The following SEMA6B variants were observed in gnomAD, a reference collection of about 807,000 sequenced individuals.
SEMA6B encodes the protein semaphorin-6B.
Under a neutral mutation model 78.6 loss-of-function variants are expected in SEMA6B, and 47 were observed. The observed-to-expected ratio is 0.60, with a 90% CI of 0.47 to 0.76. The LOEUF (loss-of-function observed/expected upper bound fraction) is 0.76. Ranked by LOEUF, SEMA6B falls within the 30% of genes least tolerant of loss-of-function variation. The pLI is 0.00. For missense variants in SEMA6B, 1,213 were observed against 1,269.9 expected, an observed-to-expected ratio of 0.96 and a Z score of 0.68; for synonymous variants, 632 against 592.2, an observed-to-expected ratio of 1.07 and a Z score of -0.98.
Position 4,550,379 on chromosome 19 carries a change from T to TTTG in SEMA6B, c.1122-110_1122-108dup, listed in dbSNP as rs977141688. On this transcript the variant is annotated intron_variant, in intron 11 of 16. Transcript: ENST00000586582. This position sits in a 1 kb window ranked among gnomAD's most constrained non-coding sequence, Gnocchi z 6.6. ...TGCCCAACGACCCTCAGGTTTTTTG[T>TTTG]TTGTTTTGTTTTTGAGACAGAGTCT... is the stretch of plus-strand genomic sequence containing the variant. 11 of 1,273,358 alleles carry TTTG rather than the reference T, an allele frequency of 8.6e-6. No homozygotes were observed. In the South Asian group the frequency reaches 1.1e-4, roughly 12 times the overall value. The allele number at this position is 1,273,358 out of a possible 1,614,324, so 78.9% of individuals were successfully genotyped here.
intron 12 of SEMA6B, among the ~76,000 whole-genome samples, chr19:4,549,526 G>T (rs1235877872): frequency 2.1e-5 from 3 of 142,474 alleles, no homozygotes; most frequent in Non-Finnish European, 3.1e-5. Context: ...TCGCCCAGGC[G>T]GGACTGCAGT....
chr19:4,551,280 C>T (rs558999684), intron 10 of SEMA6B, among the ~76,000 whole-genome samples: 11 of 149,528 alleles, frequency 7.4e-5, no homozygotes, highest in African/African-American at 2.7e-4. Context: ...AGTGCAGTGA[C>T]GTGATCTCAG....
chr19:4,550,268 CGGG>C lies in SEMA6B; in HGVS notation c.1123_1125del (p.Pro375del). ...TGCATCCCGGGGGCTGCGCAGCACC[CGGG>C]CCTGGGGGTGACAAGGGTGTGGTCA... On this transcript the variant is annotated inframe_deletion and splice_region_variant, in exon 12 of 17. Transcript: ENST00000586582. The surrounding 1 kb of genome is among the most constrained non-coding windows in gnomAD (Gnocchi z 6.6). The C allele has an allele frequency of 6.2e-7, 1 of 1,612,824 alleles. No individual in the cohort carries two copies. Among genetic ancestry groups the C allele is most frequent in the Non-Finnish European group, 8.5e-7 (1 of 1,179,486 alleles).
In SEMA6B at chr19:4,555,977, T is replaced by C; in HGVS notation, c.471+11A>G. 6.2e-7 allele frequency: 1 copy of C among 1,610,182 alleles called. No homozygotes were observed. ...GGTTGGACCTGGGGCGCAGGGAGTC[T>C]GAAGACTCACGCTGTAGTTGGCGCA... On this transcript the variant is annotated intron_variant, in intron 6 of 16. Transcript: ENST00000586582. This position sits in a 1 kb window ranked among gnomAD's most constrained non-coding sequence, Gnocchi z 6.1.
In SEMA6B at chr19:4,552,348, G is replaced by A; in HGVS notation, c.989+74C>T. ...CCAACCTAGCACCCAGGGCATACCT[G>A]AGGAGTGAATACAGGCCCTCTCTAC... On this transcript the variant is annotated intron_variant, in intron 10 of 16. Coordinates refer to ENST00000586582, the MANE Select transcript of SEMA6B (RefSeq NM_032108.4). This position sits in a 1 kb window ranked among gnomAD's most constrained non-coding sequence, Gnocchi z 7.4. The A allele has an allele frequency of 7.1e-7, 1 of 1,404,210 alleles. No individual in the cohort carries two copies. Among genetic ancestry groups the A allele is most frequent in the Admixed American group, 2.1e-5 (1 of 47,866 alleles). 87.0% of individuals were successfully genotyped at this position (1,404,210 alleles called of 1,614,324 possible).
intron 14 of SEMA6B, among the ~76,000 whole-genome samples, chr19:4,546,994 C>CT (rs1977186144): frequency 6.7e-6 from 1 of 149,164 alleles, no homozygotes; most frequent in African/African-American, 2.5e-5. Flanking sequence ...GGGTCATGCT[C>CT]TGTCACCCAG....
At position 4,543,895 on chromosome 19, in the gene SEMA6B, G is replaced by A; in HGVS notation, c.2373C>T (p.Pro791=). Residue 791 remains proline (P), a synonymous_variant, in exon 17 of 17, where the codon CCC becomes CCT. Coordinates refer to ENST00000586582, the MANE Select transcript of SEMA6B (RefSeq NM_032108.4). The part of the protein sequence containing the change: ...RASHGDFPLT[P]HASPDRRRVV... The stretch of plus-strand genomic sequence containing the variant: ...CCCGCCGGCGGTCCGGGCTGGCGTG[G>A]GGGGTGAGCGGGAAGTCGCCGTGGG... 1 of 1,204,396 alleles carries A rather than the reference G, an allele frequency of 8.3e-7. No homozygotes were observed. Among genetic ancestry groups the A allele is most frequent in the Non-Finnish European group, 1.0e-6 (1 of 970,636 alleles). 74.6% of individuals were successfully genotyped at this position (1,204,396 alleles called of 1,614,324 possible).
rs373793824 is a variant in SEMA6B at position 4,550,778 on chromosome 19, C to T, written c.1121+21G>A. On this transcript the variant is annotated intron_variant, in intron 11 of 16. Coordinates refer to ENST00000586582, the MANE Select transcript of SEMA6B (RefSeq NM_032108.4). The surrounding 1 kb of genome is among the most constrained non-coding windows in gnomAD (Gnocchi z 6.6). ...CAGGACCTCATCCGGGCATGTGACT[C>T]AGGATGGAGGGGGTTCTCACCGGGG... 6.2e-7 allele frequency: 1 copy of T among 1,612,444 alleles called. No homozygotes were observed. Among genetic ancestry groups the T allele is most frequent in the Non-Finnish European group, 8.5e-7 (1 of 1,179,570 alleles).
Position 4,554,337 on chromosome 19 carries a change from C to T in SEMA6B, c.771+51G>A, listed in dbSNP as rs1599781058. ...TCATGGATCCACCTCTGCCCCCTCACTTCGCATGATCAGAGCCTCTCAACT... is the reference window on the plus strand; with the variant it reads ...TCATGGATCCACCTCTGCCCCCTCATTTCGCATGATCAGAGCCTCTCAACT... On this transcript the variant is annotated intron_variant, in intron 9 of 16. Coordinates refer to ENST00000586582, the MANE Select transcript of SEMA6B (RefSeq NM_032108.4). 3.5e-6 allele frequency: 5 copies of T among 1,442,430 alleles called. No homozygotes were observed. The East Asian group carries it at 1.1e-4, about 33-fold the overall frequency. 89.4% of individuals were successfully genotyped at this position (1,442,430 alleles called of 1,614,324 possible).
chr19:4,546,330 G>A, intron 15 of SEMA6B, 56 bp from the exon 16 acceptor site: 2 of 1,602,624 alleles, frequency 1.2e-6, no homozygotes, highest in Non-Finnish European at 1.7e-6. Flanking sequence ...CAGAGATCAG[G>A]GGGATCTGGG....
chr19:4,554,936 G>A (rs200571333), intron 8 of SEMA6B, 40 bp downstream of exon 8: 2 of 1,605,090 alleles, frequency 1.2e-6, no homozygotes, highest in South Asian at 1.1e-5. Context: ...CAGGTTCTGG[G>A]CCCTGCCAGG....
chr19:4,552,773 C>G lies in SEMA6B; in HGVS notation c.772-134G>C, dbSNP rs1001081873. 6.4e-6 allele frequency: 5 copies of G among 778,786 alleles called. No individual in the cohort carries two copies. In the African/African-American group the frequency reaches 8.8e-5, roughly 14 times the overall value. The allele number at this position is 778,786 out of a possible 1,614,324, so 48.2% of individuals were successfully genotyped here. ...GCTCTGGTGGGACCCCGGCCAGTCA[C>G]CGTTCCTCTCTGGGCACCGGCTTCC... is the stretch of plus-strand genomic sequence containing the variant. On this transcript the variant is annotated intron_variant, in intron 9 of 16. Transcript: ENST00000586582. This position sits in a 1 kb window ranked among gnomAD's most constrained non-coding sequence, Gnocchi z 7.4.
chr19:4,551,519 C>T (rs1229961656), intron 10 of SEMA6B, among the ~76,000 whole-genome samples: 2 of 151,584 alleles, frequency 1.3e-5, no homozygotes, highest in East Asian at 4.0e-4. Flanking sequence ...GTGCCCAGTC[C>T]ACAAGCAGGC....
chr19:4,549,356 C>T (rs1977257850), intron 12 of SEMA6B, among the ~76,000 whole-genome samples: 1 of 133,970 alleles, frequency 7.5e-6, no homozygotes, highest in Non-Finnish European at 1.5e-5. Context: ...GGTTGGAGTG[C>T]AGTGGCGTGA....
Position 4,544,905 on chromosome 19 carries a change from TACAGGC to T in SEMA6B, c.1739-382_1739-377del, listed in dbSNP as rs544520709. 7.2e-3 allele frequency among the ~76,000 whole-genome samples: 1,092 copies of T among 152,204 alleles called. 12 individuals are homozygous for T. Among genetic ancestry groups the T allele is most frequent in the Non-Finnish European group, 9.8e-3 (668 of 67,998 alleles). On this transcript the variant is annotated intron_variant, in intron 16 of 16. Coordinates refer to ENST00000586582, the MANE Select transcript of SEMA6B (RefSeq NM_032108.4). The surrounding 1 kb of genome is among the most constrained non-coding windows in gnomAD (Gnocchi z 5.1). ...CCTCTGCCTCCCAAAGTGCTGGGAT[TACAGGC>T]ATAAGCCACCACGACTGGCCTTATT...
rs764218890 is a variant in SEMA6B at position 4,558,371 on chromosome 19, C to T, written c.87G>A (p.Glu29=). The T allele has an allele frequency of 1.6e-4, 203 of 1,294,130 alleles. No individual in the cohort carries two copies. The highest frequency in any genetic ancestry group is 2.0e-4 in the Non-Finnish European group (198 of 1,012,626). The allele number at this position is 1,294,130 out of a possible 1,614,324, so 80.2% of individuals were successfully genotyped here. Residue 29 remains glutamate, a synonymous_variant, in exon 2 of 17, where the codon GAG becomes GAA. Transcript: ENST00000586582. The surrounding 1 kb of genome is among the most constrained non-coding windows in gnomAD (Gnocchi z 5.1). ...LLGGAHGLFP[E]EPPPLSVAPR... ...GGGCCACGCTAAGCGGCGGCGGCTCCTCAGGAAAGAGGCCGTGGGCGCCCC... is the reference window on the plus strand; with the variant it reads ...GGGCCACGCTAAGCGGCGGCGGCTCTTCAGGAAAGAGGCCGTGGGCGCCCC...
At position 4,543,605 on chromosome 19, in the gene SEMA6B, G is replaced by A; in HGVS notation, c.2663C>T (p.Pro888Leu). 1 of 1,231,190 alleles carries A rather than the reference G, an allele frequency of 8.1e-7. No individual in the cohort carries two copies. Among genetic ancestry groups the A allele is most frequent in the Non-Finnish European group, 1.0e-6 (1 of 985,052 alleles). The allele number at this position is 1,231,190 out of a possible 1,614,324, so 76.3% of individuals were successfully genotyped here. A position where few individuals can be genotyped will look rare whatever the true frequency, so the allele number is the denominator to read the frequency against. Reference protein sequence around the residue: ...GGADRTAPPVP With the variant: ...GGADRTAPPVL ...AGGCATCGGGGGGCCCCCGGCCTAG[G>A]GCACGGGGGGCGCAGTCCTGTCCGC... Residue 888 changes from proline (P) to leucine (L), a missense_variant, in exon 17 of 17, where the codon CCC becomes CTC. Physicochemically the swap from Pro to Leu is moderately conservative, Grantham distance 98. Transcript: ENST00000586582.
In SEMA6B at chr19:4,558,310, C is replaced by T. The variant is rs748079490; in HGVS notation, c.121+27G>A. ...CCAGATACTCCCACGGGACTCCACC[C>T]CCGCCCAAAGACACCCCCAGACTCA... On this transcript the variant is annotated intron_variant, in intron 2 of 16. Coordinates refer to ENST00000586582, the MANE Select transcript of SEMA6B (RefSeq NM_032108.4). This position sits in a 1 kb window ranked among gnomAD's most constrained non-coding sequence, Gnocchi z 5.1. The T allele has an allele frequency of 7.6e-7, 1 of 1,315,774 alleles. No individual in the cohort carries two copies. The highest frequency in any genetic ancestry group is 9.8e-7 in the Non-Finnish European group (1 of 1,022,828). The allele number at this position is 1,315,774 out of a possible 1,614,324, so 81.5% of individuals were successfully genotyped here.
Position 4,542,684 on chromosome 19 carries a change from TGGTCAGCTG to T in SEMA6B, c.*908_*916del. 1 of 644,742 alleles carries T rather than the reference TGGTCAGCTG, an allele frequency of 1.6e-6. No individual in the cohort carries two copies. Among genetic ancestry groups the T allele is most frequent in the Non-Finnish European group, 2.8e-6 (1 of 350,974 alleles). The allele number at this position is 644,742 out of a possible 1,614,324, so 39.9% of individuals were successfully genotyped here. On this transcript the variant is annotated 3_prime_UTR_variant, in exon 17 of 17. Transcript: ENST00000586582. ...GACCCAGCCAGCCACGTGGCATGCA[TGGTCAGCTG>T]GAGGTCAGAGGGGGGAGGTCACAAG...
Sources: allele counts gnomAD v4.1 joint callset (sites outside exome capture counted in the v4.1 genomes callset), GRCh38; gene constraint gnomAD v4.1.1; non-coding constraint Gnocchi (gnomAD v3.1); transcripts MANE v1.5; gene names NCBI Gene and HGNC (gene_info 2026-07-23, HGNC 2026-07-21).